The following FMNL2 variants were observed in gnomAD, a reference collection of about 807,000 sequenced individuals.
The protein encoded by FMNL2 is formin like 2, also known as formin-like protein 2.
In FMNL2, 51 loss-of-function variants were observed where a neutral mutation model predicts 130.2. That is an observed-to-expected ratio of 0.39 (90% CI 0.31 to 0.49). The LOEUF (loss-of-function observed/expected upper bound fraction) is 0.49. FMNL2 is among the 20% of genes least tolerant of loss of function. The probability of loss-of-function intolerance (pLI) is 0.85; values close to 1 mark genes in which losing one functional copy is unlikely to be tolerated. For synonymous variants in FMNL2, 465 were observed against 467.1 expected, an observed-to-expected ratio of 1.00 and a Z score of 0.06; for missense variants, 977 against 1,316.2, an observed-to-expected ratio of 0.74 and a Z score of 3.99.
At chr2:152,560,222 C>A (rs1695449609) in intron 5 of FMNL2, among the ~76,000 whole-genome samples, 1 of 151,010 alleles carries the variant, frequency 6.6e-6, no homozygotes. Flanking sequence ...ATGCATGGAG[C>A]ACAAAAGCCT....
At chr2:152,558,006 C>T (rs2105580716) in intron 4 of FMNL2, among the ~76,000 whole-genome samples, 1 of 152,214 alleles carries the variant, frequency 6.6e-6, no homozygotes, top group Admixed American at 6.5e-5. Flanking sequence ...TCTGTTTGAC[C>T]TCCCATCAGG....
chr2:152,390,221 A>T (rs1685030758), intron 1 of FMNL2: 3 of 1,453,234 alleles, frequency 2.1e-6, no homozygotes, highest in Non-Finnish European at 2.9e-6. Context: ...TCCGGCTGAA[A>T]GGGAAGGACA....
intron 1 of FMNL2, among the ~76,000 whole-genome samples, chr2:152,376,753 T>C (rs1473396490): frequency 6.6e-6 from 1 of 152,242 alleles, no homozygotes; most frequent in African/African-American, 2.4e-5. Context: ...TTTTTAGGGC[T>C]GAAGGTAGTA....
intron 1 of FMNL2, among the ~76,000 whole-genome samples, chr2:152,373,560 A>G (rs896607813): frequency 6.6e-6 from 1 of 152,234 alleles, no homozygotes; most frequent in African/African-American, 2.4e-5. Context: ...TATTGTTTGC[A>G]TCTGACCCAT....
At chr2:152,511,728 T>G (rs1409461897) in intron 1 of FMNL2, among the ~76,000 whole-genome samples, 1 of 152,060 alleles carries the variant, frequency 6.6e-6, no homozygotes, top group Non-Finnish European at 1.5e-5. Context: ...CTAGCGATAA[T>G]CTTAATGTCC....
intron 1 of FMNL2, among the ~76,000 whole-genome samples, chr2:152,458,153 G>A (rs1046303513): frequency 6.6e-6 from 1 of 152,202 alleles, no homozygotes; most frequent in African/African-American, 2.4e-5. Context: ...AAAGAAGGGG[G>A]GCTTGGCCCT....
chr2:152,561,456 C>T (rs1002370668), intron 6 of FMNL2, among the ~76,000 whole-genome samples: 3 of 152,022 alleles, frequency 2.0e-5, no homozygotes, highest in Non-Finnish European at 4.4e-5. Context: ...AGTGGTAGCT[C>T]AGGTTGTGTG....
At chr2:152,547,640 C>G (rs1334198754) in intron 3 of FMNL2, among the ~76,000 whole-genome samples, 1 of 152,158 alleles carries the variant, frequency 6.6e-6, no homozygotes, top group African/African-American at 2.4e-5. Flanking sequence ...GCCACCAAGT[C>G]CCAGGTGTGG....
At chr2:152,514,871 G>A (rs72864990) in intron 1 of FMNL2, among the ~76,000 whole-genome samples, 7,456 of 152,188 alleles carry the variant, frequency 0.049, 221 homozygotes, top group Middle Eastern at 0.17. Context: ...ATAGATGTGG[G>A]TGAGGCTACT....
chr2:152,414,824 C>G (rs1686517672), intron 1 of FMNL2, among the ~76,000 whole-genome samples: 1 of 152,218 alleles, frequency 6.6e-6, no homozygotes, highest in African/African-American at 2.4e-5. Flanking sequence ...TGCCCTCTTT[C>G]ATGTGCATTC....
chr2:152,462,696 G>A (rs560342715), intron 1 of FMNL2, among the ~76,000 whole-genome samples: 2 of 152,290 alleles, frequency 1.3e-5, no homozygotes, highest in African/African-American at 4.8e-5. Flanking sequence ...CATACCCTGT[G>A]CATTAGATGG....
rs1301508109 is a variant in FMNL2, at chr2:152,533,272, ATCTG to A, written c.202-9463_202-9460del. ...AAGGGTGGAGTTGTACTTTTTCCTC[ATCTG>A]TCTATCTATCATCTGTCTGTCTATC... On this transcript the variant is annotated intron_variant, in intron 2 of 25. Transcript: ENST00000288670. Among the ~76,000 whole-genome samples the A allele has an allele frequency of 2.6e-5, 4 of 152,138 alleles. No homozygotes were observed. The East Asian group carries it at 7.7e-4, about 29-fold the overall frequency.
rs181991996 is a variant in FMNL2, at chr2:152,480,169, A to C, written c.118-41774A>C. The stretch of plus-strand genomic sequence containing the variant: ...AGCAGACCTGATTCTTAGCCTTAGC[A>C]GGCAGGCTGAAGATCTCTAGGATAC... On this transcript the variant is annotated intron_variant, in intron 1 of 25. Coordinates refer to ENST00000288670, the MANE Select transcript of FMNL2 (RefSeq NM_052905.4). Among the ~76,000 whole-genome samples the C allele has an allele frequency of 2.4e-3, 370 of 152,326 alleles. 2 individuals carry two copies. Among genetic ancestry groups the C allele is most frequent in the Non-Finnish European group, 4.3e-3 (294 of 68,030 alleles).
chr2:152,481,150 TAACTG>T (rs966524723), intron 1 of FMNL2, among the ~76,000 whole-genome samples: 67 of 152,326 alleles, frequency 4.4e-4, no homozygotes, highest in African/African-American at 1.5e-3. Context: ...AGTAAACACT[TAACTG>T]AACAAAAAGT....
At chr2:152,406,960 T>C (rs1286211866) in intron 1 of FMNL2, among the ~76,000 whole-genome samples, 5 of 152,212 alleles carry the variant, frequency 3.3e-5, no homozygotes, top group Non-Finnish European at 7.3e-5. Context: ...TCATCCTGGC[T>C]CTGTCACTTT....
chr2:152,455,887 T>A (rs191927678), intron 1 of FMNL2, among the ~76,000 whole-genome samples: 8 of 152,300 alleles, frequency 5.3e-5, no homozygotes, highest in South Asian at 2.1e-4. Context: ...GCTTATTTTT[T>A]AAATTTTTGT....
intron 2 of FMNL2, among the ~76,000 whole-genome samples, chr2:152,528,553 T>C (rs941612711): frequency 1.3e-5 from 2 of 152,198 alleles, no homozygotes; most frequent in South Asian, 2.1e-4. Context: ...TTCTTGTCTT[T>C]TATAAGAACA....
At position 152,476,478 on chromosome 2, in the gene FMNL2, C is replaced by G. The variant is rs147043806; in HGVS notation, c.118-45465C>G. On this transcript the variant is annotated intron_variant, in intron 1 of 25. Transcript: ENST00000288670. ...TTGAGCCCAAGAGTGTGAGACCAGT[C>G]TAGGCTTCATAGCGAGACCCTGTCT... Among the ~76,000 whole-genome samples, 180 of 152,228 alleles carry G rather than the reference C, an allele frequency of 1.2e-3. 1 individual carries two copies. Among genetic ancestry groups the G allele is most frequent in the African/African-American group, 4.1e-3 (171 of 41,532 alleles).
At chr2:152,451,437 T>C (rs749202667) in intron 1 of FMNL2, among the ~76,000 whole-genome samples, 2 of 152,130 alleles carry the variant, frequency 1.3e-5, no homozygotes. Flanking sequence ...CATGAGCTAC[T>C]GCACCCTGCC....
Sources: allele counts gnomAD v4.1 joint callset (sites outside exome capture counted in the v4.1 genomes callset), GRCh38; gene constraint gnomAD v4.1.1; transcripts MANE v1.5; gene names NCBI Gene and HGNC (gene_info 2026-07-23, HGNC 2026-07-21).